The following PID1 variants were observed in gnomAD, a reference collection of about 807,000 sequenced individuals.
PID1 encodes the protein phosphotyrosine interaction domain containing 1.
Under a neutral mutation model 19.1 loss-of-function variants are expected in PID1, and 10 were observed. The ratio of observed to expected loss-of-function variants is 0.52; its 90% CI spans 0.32 to 0.89. The LOEUF is 0.89. Among genes scored for constraint, PID1 ranks in the 40% least tolerant of loss-of-function variants. The pLI, the probability that PID1 is intolerant of heterozygous loss-of-function variation, is 0.03. For missense variants in PID1, 248 were observed against 285.3 expected (o/e 0.87, Z 0.94); for synonymous variants, 130 against 116.0 (o/e 1.12, Z -0.78).
At chr2:229,217,531 A>G (rs1390795654) in intron 1 of PID1, among the ~76,000 whole-genome samples, 1 of 152,138 alleles carries the variant, frequency 6.6e-6, no homozygotes, top group Non-Finnish European at 1.5e-5. Flanking sequence ...ACCTGTAGAC[A>G]GGGAGGATGC....
At chr2:229,153,991 A>G (rs1690313026) in intron 2 of PID1, among the ~76,000 whole-genome samples, 1 of 152,182 alleles carries the variant, frequency 6.6e-6, no homozygotes, top group South Asian at 2.1e-4. Flanking sequence ...ATCTCATATC[A>G]CTTTCAAATT....
intron 2 of PID1, among the ~76,000 whole-genome samples, chr2:229,030,818 T>A (rs1693532891): frequency 6.6e-6 from 1 of 152,174 alleles, no homozygotes; most frequent in African/African-American, 2.4e-5. Context: ...TAAGGTTGTA[T>A]TTTGGAGGTG....
intron 1 of PID1, among the ~76,000 whole-genome samples, chr2:229,180,752 G>T (rs971328577): frequency 2.0e-5 from 3 of 152,138 alleles, no homozygotes; most frequent in Admixed American, 1.3e-4. Flanking sequence ...TGGCGTCTTC[G>T]TATGCCATCA....
intron 1 of PID1, among the ~76,000 whole-genome samples, chr2:229,213,321 A>G (rs771383685): frequency 6.6e-6 from 1 of 151,834 alleles, no homozygotes; most frequent in Non-Finnish European, 1.5e-5. Context: ...TCCAACCATA[A>G]CCCTCATTCA....
At chr2:229,194,900 A>G (rs2106234957) in intron 1 of PID1, among the ~76,000 whole-genome samples, 1 of 130,348 alleles carries the variant, frequency 7.7e-6, no homozygotes, top group East Asian at 2.3e-4. Flanking sequence ...AAAAAGCTCA[A>G]AATAACAATG....
At chr2:229,138,479 A>G (rs917657688) in intron 2 of PID1, among the ~76,000 whole-genome samples, 2 of 152,036 alleles carry the variant, frequency 1.3e-5, no homozygotes, top group African/African-American at 4.8e-5. Flanking sequence ...TCACTGAACC[A>G]AGCCTGGAAA....
intron 2 of PID1, among the ~76,000 whole-genome samples, chr2:229,092,122 G>C (rs1437523302): frequency 1.8e-5 from 2 of 112,752 alleles, no homozygotes; most frequent in Non-Finnish European, 3.4e-5. Flanking sequence ...GAACCAACAA[G>C]TTTACTAGCA....
chr2:229,047,928 G>A (rs1693916072), intron 2 of PID1, among the ~76,000 whole-genome samples: 2 of 152,256 alleles, frequency 1.3e-5, no homozygotes, highest in South Asian at 2.1e-4. Context: ...CAGAGATGCT[G>A]CAATCACAAA....
At chr2:229,079,118 T>C (rs758920) in intron 2 of PID1, among the ~76,000 whole-genome samples, 64,542 of 152,012 alleles carry the variant, frequency 0.42, 14,460 homozygotes, top group East Asian at 0.72. Flanking sequence ...AGATATACTT[T>C]TCTTTTTGTC....
chr2:229,140,255 A>C (rs188876369), intron 2 of PID1, among the ~76,000 whole-genome samples: 201 of 152,222 alleles, frequency 1.3e-3, no homozygotes, highest in Admixed American at 4.3e-3. Context: ...TCCTCCACCA[A>C]TCCATTTGTC....
intron 1 of PID1, among the ~76,000 whole-genome samples, chr2:229,259,870 C>G (rs1416732374): frequency 6.6e-6 from 1 of 152,094 alleles, no homozygotes; most frequent in Admixed American, 6.5e-5. Context: ...CAGCCCTTAC[C>G]TTATGTGAGG....
intron 1 of PID1, among the ~76,000 whole-genome samples, chr2:229,218,826 G>A (rs1691904157): frequency 6.6e-6 from 1 of 152,116 alleles, no homozygotes; most frequent in African/African-American, 2.4e-5. Flanking sequence ...AGGCAAACAA[G>A]CCCACACTCT....
At chr2:229,032,104 C>A (rs1693566932) in intron 2 of PID1, among the ~76,000 whole-genome samples, 1 of 152,118 alleles carries the variant, frequency 6.6e-6, no homozygotes, top group South Asian at 2.1e-4. Context: ...CAACCATGCC[C>A]CCTGTGTATT....
chr2:229,209,003 C>T (rs1034775487), intron 1 of PID1, among the ~76,000 whole-genome samples: 2 of 152,108 alleles, frequency 1.3e-5, no homozygotes, highest in African/African-American at 4.8e-5. Flanking sequence ...AAAAGAAGTG[C>T]ATGCTCCCTT....
In PID1 at chr2:229,253,646, C is replaced by T. The variant is rs113153462; in HGVS notation, c.30+17368G>A. 8.8e-3 allele frequency among the ~76,000 whole-genome samples: 1,320 copies of T among 150,674 alleles called. 14 individuals carry two copies. The highest frequency in any genetic ancestry group is 0.015 in the Non-Finnish European group (999 of 67,802). On this transcript the variant is annotated intron_variant, in intron 1 of 2. Transcript: ENST00000392055. ...TCTCCATCTCCCAGTTAAGCATGCA[C>T]AGTTTTTACACGGAAGGGTACCCAT...
chr2:229,191,205 A>G (rs965536468), intron 1 of PID1, among the ~76,000 whole-genome samples: 7 of 152,262 alleles, frequency 4.6e-5, no homozygotes, highest in African/African-American at 1.4e-4. Flanking sequence ...TGAATCTCCC[A>G]GCTGTCTTTA....
chr2:229,221,999 C>T (rs1691980686), intron 1 of PID1, among the ~76,000 whole-genome samples: 1 of 152,212 alleles, frequency 6.6e-6, no homozygotes, highest in Non-Finnish European at 1.5e-5. Flanking sequence ...CACTTCCTGC[C>T]TAGACCATTA....
Position 229,260,348 on chromosome 2 carries a change from T to A in PID1, c.30+10666A>T, listed in dbSNP as rs74001803. On this transcript the variant is annotated intron_variant, in intron 1 of 2. Transcript: ENST00000392055. ...GGGGGAATGAGTAAATAAATTATAG[T>A]CCAGCTTCACCACAAAATTCTACAC... Among the ~76,000 whole-genome samples the A allele has an allele frequency of 4.2e-3, 632 of 152,016 alleles. 4 individuals are homozygous for A. Among genetic ancestry groups the A allele is most frequent in the African/African-American group, 0.015 (604 of 41,506 alleles).
chr2:229,210,911 C>G (rs1414866728), intron 1 of PID1, among the ~76,000 whole-genome samples: 1 of 152,106 alleles, frequency 6.6e-6, no homozygotes, highest in Non-Finnish European at 1.5e-5. Flanking sequence ...TATTTTGAGC[C>G]AATAGGATTT....
Sources: allele counts gnomAD v4.1 joint callset (sites outside exome capture counted in the v4.1 genomes callset), GRCh38; gene constraint gnomAD v4.1.1; transcripts MANE v1.5; gene names NCBI Gene and HGNC (gene_info 2026-07-23, HGNC 2026-07-21).